The following POU6F2 variants were observed in gnomAD, a reference collection of about 807,000 sequenced individuals.
POU6F2 encodes POU domain, class 6, transcription factor 2.
Under a neutral mutation model 71.3 loss-of-function variants are expected in POU6F2, and 31 were observed. That is an observed-to-expected ratio of 0.43 (90% CI 0.33 to 0.59). POU6F2 has a LOEUF of 0.59. Among genes scored for constraint, POU6F2 ranks in the 20% least tolerant of loss-of-function variants. The probability of loss-of-function intolerance (pLI) is 0.04; values close to 1 mark genes in which losing one functional copy is unlikely to be tolerated. For missense variants in POU6F2, 783 were observed against 856.8 expected, an observed-to-expected ratio of 0.91 and a Z score of 1.07; for synonymous variants, 347 against 355.7, an observed-to-expected ratio of 0.98 and a Z score of 0.27.
intron 2 of POU6F2, among the ~76,000 whole-genome samples, chr7:39,155,341 G>A (rs1463973823): frequency 2.0e-5 from 3 of 151,918 alleles, no homozygotes; most frequent in East Asian, 3.9e-4. Context: ...GGAAGAAGAT[G>A]AAGAGGGTGA....
At chr7:39,102,117 G>A (rs528583135) in intron 2 of POU6F2, among the ~76,000 whole-genome samples, 1 of 152,292 alleles carries the variant, frequency 6.6e-6, no homozygotes, top group South Asian at 2.1e-4. Flanking sequence ...TAACACTTCA[G>A]TTTCAATTAG....
In POU6F2 at chr7:39,457,505, A is replaced by G. The variant is rs148382008; in HGVS notation, c.1490-3042A>G. Among the ~76,000 whole-genome samples the G allele has an allele frequency of 2.3e-3, 346 of 152,282 alleles. 4 individuals carry two copies. The highest frequency in any genetic ancestry group is 7.5e-3 in the African/African-American group (312 of 41,562). On this transcript the variant is annotated intron_variant, in intron 8 of 9. Coordinates refer to ENST00000518318, the MANE Select transcript of POU6F2 (RefSeq NM_001370959.1). ...CAGACCTGTCTGGCCCGTCAGTCCT[A>G]TACAGGTGAGAGAGCAAGTTTTCTG...
intron 5 of POU6F2, among the ~76,000 whole-genome samples, chr7:39,385,660 T>C (rs779468264): frequency 6.6e-6 from 1 of 152,184 alleles, no homozygotes; most frequent in African/African-American, 2.4e-5. Context: ...TTAGAGAGGC[T>C]TGGTATGGGG....
At chr7:39,295,227 G>A (rs537016407) in intron 4 of POU6F2, among the ~76,000 whole-genome samples, 2 of 151,918 alleles carry the variant, frequency 1.3e-5, no homozygotes, top group African/African-American at 4.8e-5. Context: ...AAACCTAGGG[G>A]GTATGCGTGA....
chr7:39,413,863 A>C (rs1035307921), intron 6 of POU6F2, among the ~76,000 whole-genome samples: 49 of 152,218 alleles, frequency 3.2e-4, no homozygotes, highest in Admixed American at 2.0e-3. Flanking sequence ...TGAGAGCTTT[A>C]GTTCCTCATT....
chr7:39,138,705 A>T (rs909276868), intron 2 of POU6F2, among the ~76,000 whole-genome samples: 3 of 152,184 alleles, frequency 2.0e-5, no homozygotes, highest in South Asian at 2.1e-4. Context: ...GTTACAATGT[A>T]ATAATAATAG....
intron 4 of POU6F2, among the ~76,000 whole-genome samples, chr7:39,247,227 G>C (rs542132792): frequency 1.1e-4 from 16 of 152,200 alleles, no homozygotes; most frequent in Non-Finnish European, 1.9e-4. Flanking sequence ...CCAGCACTTT[G>C]GGAGGCTGAG....
At chr7:39,303,006 A>G (rs1003656923) in intron 4 of POU6F2, among the ~76,000 whole-genome samples, 6 of 152,228 alleles carry the variant, frequency 3.9e-5, no homozygotes, top group Non-Finnish European at 8.8e-5. Context: ...TTACATTTCT[A>G]CTAAGTTCCA....
chr7:39,276,913 G>T (rs1784451449), intron 4 of POU6F2, among the ~76,000 whole-genome samples: 1 of 139,752 alleles, frequency 7.2e-6, no homozygotes, highest in Non-Finnish European at 1.5e-5. Context: ...GGGGTAGGGG[G>T]AGGGGGGAGG....
chr7:39,032,848 C>G (rs889682597), intron 1 of POU6F2, among the ~76,000 whole-genome samples: 1 of 152,180 alleles, frequency 6.6e-6, no homozygotes, highest in Non-Finnish European at 1.5e-5. Context: ...TGGGAGCAGT[C>G]GGTCCACTCC....
intron 2 of POU6F2, among the ~76,000 whole-genome samples, chr7:39,113,141 G>A (rs2128725990): frequency 6.6e-6 from 1 of 152,248 alleles, no homozygotes; most frequent in Non-Finnish European, 1.5e-5. Flanking sequence ...CTATGCTCAA[G>A]GAAGGGCCTC....
At chr7:39,221,870 T>C (rs1182195151) in intron 4 of POU6F2, among the ~76,000 whole-genome samples, 1 of 152,200 alleles carries the variant, frequency 6.6e-6, no homozygotes, top group Non-Finnish European at 1.5e-5. Flanking sequence ...TTCATTATAG[T>C]TGTCTTTATG....
intron 4 of POU6F2, among the ~76,000 whole-genome samples, chr7:39,210,080 C>A (rs1023020500): frequency 6.6e-6 from 1 of 152,148 alleles, no homozygotes; most frequent in Non-Finnish European, 1.5e-5. Flanking sequence ...CAGTATTTAT[C>A]AACCCAAGGC....
chr7:38,997,611 A>G (rs1269714364), intron 1 of POU6F2, among the ~76,000 whole-genome samples: 1 of 152,190 alleles, frequency 6.6e-6, no homozygotes, highest in Non-Finnish European at 1.5e-5. Context: ...CCCCCTATGT[A>G]GATATGTGTT....
chr7:39,369,977 C>T (rs1786576828), intron 5 of POU6F2, among the ~76,000 whole-genome samples: 1 of 152,086 alleles, frequency 6.6e-6, no homozygotes, highest in Admixed American at 6.6e-5. Context: ...CGCACCCAGC[C>T]TAAAGTATTT....
chr7:39,025,078 T>C (rs1162175168), intron 1 of POU6F2, among the ~76,000 whole-genome samples: 8 of 152,148 alleles, frequency 5.3e-5, no homozygotes, highest in Admixed American at 5.2e-4. Context: ...TCAGAAGGAA[T>C]GGTACCAGTT....
chr7:39,144,360 A>G (rs1295008159), intron 2 of POU6F2, among the ~76,000 whole-genome samples: 2 of 152,200 alleles, frequency 1.3e-5, no homozygotes, highest in African/African-American at 4.8e-5. Context: ...GATAAACCTA[A>G]TAATTTCAAG....
chr7:39,179,261 T>G (rs1167219907), intron 2 of POU6F2, among the ~76,000 whole-genome samples: 3 of 152,238 alleles, frequency 2.0e-5, no homozygotes, highest in Non-Finnish European at 4.4e-5. Context: ...TCCTTAAGAA[T>G]GTGCATGTTG....
chr7:39,075,169 T>C (rs1329759220), intron 1 of POU6F2, among the ~76,000 whole-genome samples: 4 of 152,162 alleles, frequency 2.6e-5, no homozygotes, highest in Admixed American at 2.0e-4. Context: ...GGACACTTAA[T>C]TGCCACATGA....
Sources: gnomAD v4.1 joint callset for allele counts (sites outside exome capture counted in the v4.1 genomes callset) on GRCh38, gnomAD v4.1.1 for gene constraint, MANE v1.5 for transcripts, NCBI Gene and HGNC (gene_info 2026-07-23, HGNC 2026-07-21) for gene names.